Variants in CTNNA3 observed in about 807,000 individuals in gnomAD.
CTNNA3 encodes catenin alpha-3.
CTNNA3 carries 76 observed loss-of-function variants against 95.7 expected under a neutral mutation model. The ratio of observed to expected loss-of-function variants is 0.79; its 90% confidence interval spans 0.66 to 0.96. CTNNA3 has a LOEUF of 0.96. Among genes scored for constraint, CTNNA3 ranks in the 40% least tolerant of loss-of-function variants. The pLI, the probability that CTNNA3 is intolerant of heterozygous loss-of-function variation, is 0.00. For missense variants in CTNNA3, 1,191 were observed against 1,089.8 expected, an observed-to-expected ratio of 1.09 and a Z score of -1.31; for synonymous variants, 431 against 374.4, an observed-to-expected ratio of 1.15 and a Z score of -1.74.
At chr10:67,459,336 T>C (rs545276882) in intron 5 of CTNNA3, among the ~76,000 whole-genome samples, 2 of 152,204 alleles carry the variant, frequency 1.3e-5, no homozygotes, top group African/African-American at 2.4e-5. Flanking sequence ...CATGTCCGAA[T>C]ATCAGGCTTT....
intron 17 of CTNNA3, among the ~76,000 whole-genome samples, chr10:65,933,044 G>T (rs564627501): frequency 6.6e-6 from 1 of 152,052 alleles, no homozygotes; most frequent in Non-Finnish European, 1.5e-5. Flanking sequence ...TGAATGGTGC[G>T]TGTATGTATG....
chr10:66,583,512 T>A (rs1159944997), intron 10 of CTNNA3, among the ~76,000 whole-genome samples: 1 of 151,868 alleles, frequency 6.6e-6, no homozygotes, highest in Non-Finnish European at 1.5e-5. Context: ...TGTATATCTG[T>A]AGTATCAGTT....
intron 12 of CTNNA3, among the ~76,000 whole-genome samples, chr10:66,308,440 T>C (rs1161478630): frequency 3.3e-5 from 5 of 152,202 alleles, no homozygotes; most frequent in Non-Finnish European, 7.4e-5. Context: ...GAATCCAATA[T>C]GCCAAATGAC....
At chr10:67,037,969 G>C (rs575613436) in intron 7 of CTNNA3, among the ~76,000 whole-genome samples, 1 of 152,172 alleles carries the variant, frequency 6.6e-6, no homozygotes, top group South Asian at 2.1e-4. Context: ...TGTTCATTAA[G>C]GGGATTAACA....
chr10:66,638,371 G>A (rs975877939), intron 9 of CTNNA3, among the ~76,000 whole-genome samples: 1 of 152,216 alleles, frequency 6.6e-6, no homozygotes, highest in Admixed American at 6.5e-5. Flanking sequence ...TCAAATGAAT[G>A]TATTTTCCCT....
intron 11 of CTNNA3, among the ~76,000 whole-genome samples, chr10:66,443,433 C>T (rs12779068): frequency 0.2 from 30,863 of 152,040 alleles, 3,480 homozygotes; most frequent in South Asian, 0.3. Flanking sequence ...ACACCTCACA[C>T]GGCCGGGTAT....
intron 12 of CTNNA3, among the ~76,000 whole-genome samples, chr10:66,357,758 C>CATGTGTA (rs897635337): frequency 6.6e-6 from 1 of 152,032 alleles, no homozygotes; most frequent in African/African-American, 2.4e-5. Context: ...TATAAGTACG[C>CATGTGTA]ATGTGTAAGT....
At chr10:66,321,738 C>T (rs2092189193) in intron 12 of CTNNA3, among the ~76,000 whole-genome samples, 1 of 151,974 alleles carries the variant, frequency 6.6e-6, no homozygotes, top group Admixed American at 6.6e-5. Context: ...ACTGTGTTTA[C>T]AATAAACTTT....
chr10:66,028,107 C>G (rs949224322), intron 15 of CTNNA3, among the ~76,000 whole-genome samples: 1 of 152,040 alleles, frequency 6.6e-6, no homozygotes, highest in African/African-American at 2.4e-5. Context: ...TTGAAGACAG[C>G]CTTCAACATG....
chr10:67,349,676 A>C (rs916408031), intron 5 of CTNNA3, among the ~76,000 whole-genome samples: 1 of 152,170 alleles, frequency 6.6e-6, no homozygotes, highest in South Asian at 2.1e-4. Flanking sequence ...ACACTTAAAA[A>C]ATTTGTTGAA....
At chr10:66,032,803 C>T (rs550149323) in intron 15 of CTNNA3, among the ~76,000 whole-genome samples, 1 of 151,932 alleles carries the variant, frequency 6.6e-6, no homozygotes, top group Non-Finnish European at 1.5e-5. Flanking sequence ...ATTTATATAC[C>T]GTTTTATAGT....
intron 12 of CTNNA3, among the ~76,000 whole-genome samples, chr10:66,308,110 C>T (rs930017999): frequency 6.6e-6 from 1 of 152,156 alleles, no homozygotes; most frequent in African/African-American, 2.4e-5. Flanking sequence ...ATGCTTTAAA[C>T]ATTTTGCTAT....
chr10:66,062,167 T>A (rs2080214085), intron 15 of CTNNA3, among the ~76,000 whole-genome samples: 1 of 152,170 alleles, frequency 6.6e-6, no homozygotes, highest in Admixed American at 6.6e-5. Context: ...TTTCTCAAGA[T>A]ACAGTACACA....
intron 6 of CTNNA3, among the ~76,000 whole-genome samples, chr10:67,187,682 C>T (rs1862921021): frequency 2.0e-5 from 3 of 152,002 alleles, no homozygotes; most frequent in Non-Finnish European, 4.4e-5. Flanking sequence ...ACCTCCCCAA[C>T]TCAGGTGATC....
intron 1 of CTNNA3, among the ~76,000 whole-genome samples, chr10:67,689,925 C>A (rs1840809969): frequency 6.6e-6 from 1 of 152,162 alleles, no homozygotes; most frequent in African/African-American, 2.4e-5. Context: ...TCTGATGGTA[C>A]TCATCACTTG....
intron 7 of CTNNA3, among the ~76,000 whole-genome samples, chr10:66,919,060 G>A (rs570627444): frequency 9.9e-5 from 15 of 151,358 alleles, no homozygotes; most frequent in Non-Finnish European, 1.3e-4. Context: ...ACTTCAACCC[G>A]GGAGGCAGAG....
intron 5 of CTNNA3, among the ~76,000 whole-genome samples, chr10:67,250,860 T>C (rs1217338157): frequency 1.3e-5 from 2 of 152,190 alleles, no homozygotes; most frequent in African/African-American, 4.8e-5. Flanking sequence ...GAAATAAAAC[T>C]TTCACTCATT....
At chr10:66,737,569 T>C (rs577320287) in intron 9 of CTNNA3, among the ~76,000 whole-genome samples, 1 of 152,318 alleles carries the variant, frequency 6.6e-6, no homozygotes, top group South Asian at 2.1e-4. Flanking sequence ...TTTATAAATA[T>C]TGAAATGCAA....
intron 5 of CTNNA3, among the ~76,000 whole-genome samples, chr10:67,451,506 T>C (rs1846980605): frequency 6.6e-6 from 1 of 152,004 alleles, no homozygotes; most frequent in Non-Finnish European, 1.5e-5. Flanking sequence ...TCCCAAAAGA[T>C]AAGTGAGCAA....
Sources: gnomAD v4.1 joint callset for allele counts (sites outside exome capture counted in the v4.1 genomes callset) on GRCh38, gnomAD v4.1.1 for gene constraint, MANE v1.5 for transcripts, NCBI Gene and HGNC (gene_info 2026-07-23, HGNC 2026-07-21) for gene names.